The following FANCB variants were observed in gnomAD, a reference collection of about 807,000 sequenced individuals.
FANCB encodes the protein Fanconi anemia group B protein.
A neutral mutation model predicts 38.9 loss-of-function variants in FANCB; 5 were observed. That is an observed-to-expected ratio of 0.13 (90% CI 0.07 to 0.27). The LOEUF is 0.27. FANCB is among the 10% of genes least tolerant of loss of function. The pLI is 1.00. For synonymous variants in FANCB, 236 were observed against 215.4 expected, an observed-to-expected ratio of 1.10 and a Z score of -0.84; for missense variants, 573 against 602.7, an observed-to-expected ratio of 0.95 and a Z score of 0.52.
chrX:14,816,167 T>C, the FANCB span, among the ~76,000 whole-genome samples: 1 of 111,203 alleles, frequency 9.0e-6, no homozygotes, highest in African/African-American at 3.3e-5. Flanking sequence ...TTTATGTAAA[T>C]AAAAAAGAAT....
At chrX:14,709,574 C>G in the FANCB span, among the ~76,000 whole-genome samples, 3 of 112,041 alleles carry the variant, frequency 2.7e-5, no homozygotes, top group Non-Finnish European at 5.6e-5. Flanking sequence ...GCAAGAGTTG[C>G]GTATAAGAAG....
the FANCB span, among the ~76,000 whole-genome samples, chrX:14,700,059 G>A: frequency 9.0e-6 from 1 of 111,030 alleles, no homozygotes; most frequent in Non-Finnish European, 1.9e-5. Flanking sequence ...GAAATAATCT[G>A]TACAATAATC....
chrX:14,745,252 A>T, the FANCB span, among the ~76,000 whole-genome samples: 3 of 111,980 alleles, frequency 2.7e-5, no homozygotes, highest in African/African-American at 9.7e-5. Context: ...GCAACAAACT[A>T]CAAGGGGTTT....
At chrX:14,780,803 G>A in the FANCB span, among the ~76,000 whole-genome samples, 1 of 104,862 alleles carries the variant, frequency 9.5e-6, no homozygotes, top group Non-Finnish European at 1.9e-5. Flanking sequence ...AAATATTCTT[G>A]GTTTTTTTTG....
chrX:14,839,877 G>C (rs186930061), downstream of FANCB, among the ~76,000 whole-genome samples: 2,713 of 107,938 alleles, frequency 0.025, 88 homozygotes, highest in African/African-American at 0.086. Context: ...TTGAGACAGA[G>C]TCTCACTCTG....
At chrX:14,793,068 C>T in the FANCB span, among the ~76,000 whole-genome samples, 1 of 111,706 alleles carries the variant, frequency 9.0e-6, no homozygotes, top group Non-Finnish European at 1.9e-5. Context: ...CCATATTTAC[C>T]TAATGGAATT....
chrX:14,841,965 GT>G (rs1027275430), downstream of FANCB, among the ~76,000 whole-genome samples: 4 of 107,160 alleles, frequency 3.7e-5, no homozygotes, highest in Non-Finnish European at 3.9e-5. Context: ...ATCCTGTTTA[GT>G]TTTTTTTTTC....
At chrX:14,872,110 C>T (rs1602015041) in intron 1 of FANCB, among the ~76,000 whole-genome samples, 1 of 111,869 alleles carries the variant, frequency 8.9e-6, no homozygotes, top group African/African-American at 3.3e-5. Context: ...AAGGAAGTGT[C>T]CAGGATAGGT....
At chrX:14,785,808 C>T in the FANCB span, among the ~76,000 whole-genome samples, 71 of 111,452 alleles carry the variant, frequency 6.4e-4, no homozygotes, top group African/African-American at 2.1e-3. Context: ...CACAGGACTA[C>T]AGTACGCCAG....
At position 14,853,054 on chromosome X, in the gene FANCB, C is replaced by T. The variant is rs762387195; in HGVS notation, c.1311G>A (p.Thr437=). The T allele has an allele frequency of 4.2e-6, 5 of 1,200,085 alleles. No individual in the cohort carries two copies. The highest frequency in any genetic ancestry group is 3.0e-5 in the East Asian group (1 of 33,586). ...TTACTTTTACCTCCTCTGCACTTGA[C>T]GTATTATCATCTTTTCCTTGAACTA... The part of the protein sequence containing the change: ...INLVQGKDDN[T]SSAEEKECLV... Residue 437 remains threonine, a synonymous_variant, in exon 6 of 10, where the codon ACG becomes ACA. Transcript: ENST00000650831.
At chrX:14,769,286 G>A in the FANCB span, among the ~76,000 whole-genome samples, 5 of 111,163 alleles carry the variant, frequency 4.5e-5, no homozygotes, top group Non-Finnish European at 1.9e-5. Flanking sequence ...TGAATCCGTC[G>A]GGTCCTGGGC....
chrX:14,835,676 C>G (rs781143715), downstream of FANCB, among the ~76,000 whole-genome samples: 2 of 111,746 alleles, frequency 1.8e-5, no homozygotes, highest in South Asian at 7.4e-4. Context: ...AGTGACTGAA[C>G]TGGAAACTCA....
intron 3 of FANCB, chrX:14,862,255 T>C (rs1029070181): frequency 9.0e-6 from 1 of 111,618 alleles, no homozygotes; most frequent in African/African-American, 3.3e-5. Context: ...CACTTACTTG[T>C]AGATATCAGG....
the FANCB span, chrX:14,730,338 A>G: frequency 3.3e-6 from 4 of 1,211,088 alleles, no homozygotes; most frequent in Middle Eastern, 6.9e-4. Context: ...CAAAAGATGG[A>G]GATGCTATCA....
chrX:14,796,693 T>TATACAC, the FANCB span, among the ~76,000 whole-genome samples: 1 of 92,134 alleles, frequency 1.1e-5, no homozygotes, highest in Non-Finnish European at 2.1e-5. Flanking sequence ...CGTCTATATA[T>TATACAC]ACACACACAC....
the FANCB span, among the ~76,000 whole-genome samples, chrX:14,791,392 A>T: frequency 9.0e-6 from 1 of 111,722 alleles, no homozygotes; most frequent in African/African-American, 3.3e-5. Flanking sequence ...AGAGGACTAG[A>T]ACAGACCCTT....
rs2147390430 is a variant in FANCB at position 14,844,983 on chromosome X, T to C, written c.1800A>G (p.Gln600=). The change falls in exon 8 of 10, where the codon CAA becomes CAG. Residue 600 remains glutamine, a synonymous_variant. Coordinates refer to ENST00000650831, the MANE Select transcript of FANCB (RefSeq NM_001018113.3). The part of the protein sequence containing the change: ...FSKFCCTVLL[Q]IMERESGNCP... ...AGTTACCACTTTCTCTCTCCATAAT[T>C]TGTAGCAGTACAGTGCAACAAAATT... 8.3e-7 allele frequency: 1 copy of C among 1,207,020 alleles called. No individual in the cohort carries two copies. The highest frequency in any genetic ancestry group is 1.1e-6 in the Non-Finnish European group (1 of 891,835).
the FANCB span, among the ~76,000 whole-genome samples, chrX:14,778,471 C>A: frequency 2.7e-5 from 3 of 111,756 alleles, no homozygotes; most frequent in African/African-American, 9.8e-5. Context: ...GTCAATGGTG[C>A]TTAACTGTAC....
chrX:14,812,660 G>A, the FANCB span, among the ~76,000 whole-genome samples: 3 of 108,337 alleles, frequency 2.8e-5, no homozygotes, highest in Admixed American at 9.8e-5. Flanking sequence ...CTCTGAAATT[G>A]TGGCAATAAT....
Sources: allele counts gnomAD v4.1 joint callset (sites outside exome capture counted in the v4.1 genomes callset), GRCh38; gene constraint gnomAD v4.1.1; transcripts MANE v1.5; gene names NCBI Gene and HGNC (gene_info 2026-07-23, HGNC 2026-07-21).